EML6: variants seen among roughly 807,000 people sequenced by gnomAD.
EML6 encodes EMAP like 6, also known as echinoderm microtubule-associated protein-like 6.
In EML6, 154 loss-of-function variants were observed where a neutral mutation model predicts 240.1. That is an observed-to-expected ratio of 0.64 (90% CI 0.56 to 0.73). EML6 has a LOEUF of 0.73. EML6 is among the 30% of genes least tolerant of loss of function. The pLI, the probability that EML6 is intolerant of heterozygous loss-of-function variation, is 0.00. For synonymous variants in EML6, 1,148 were observed against 899.0 expected (o/e 1.28, Z -4.95); for missense variants, 2,964 against 2,474.6 (o/e 1.20, Z -4.20).
In EML6 at chr2:54,971,162, T is replaced by G. The variant is rs759621973; in HGVS notation, c.*1067T>G. On this transcript the variant is annotated 3_prime_UTR_variant, in exon 42 of 42. Coordinates refer to ENST00000356458, the MANE Select transcript of EML6 (RefSeq NM_001039753.4). ...GCGAACTATATAGGTCAAGTCCAGA[T>G]TATAAAAAAATTATCTGCAGAACAA... 2.0e-5 allele frequency: 3 copies of G among 152,212 alleles called. No homozygotes were observed. Among genetic ancestry groups the G allele is most frequent in the African/African-American group, 7.2e-5 (3 of 41,430 alleles). 9.4% of individuals were successfully genotyped at this position (152,212 alleles called of 1,614,324 possible).
chr2:54,888,533 T>A (rs1898699), intron 17 of EML6, among the ~76,000 whole-genome samples: 1 of 152,044 alleles, frequency 6.6e-6, no homozygotes, highest in Non-Finnish European at 1.5e-5. Flanking sequence ...CTCCCTCCTC[T>A]GTATACTGTG....
chr2:54,950,067 G>C (rs1675897059), intron 29 of EML6, among the ~76,000 whole-genome samples: 1 of 152,238 alleles, frequency 6.6e-6, no homozygotes, highest in African/African-American at 2.4e-5. Flanking sequence ...GAACTGATCT[G>C]AATCAGCCAC....
At chr2:54,829,279 C>T in intron 6 of EML6, 63 bp from the exon 7 acceptor site, 2 of 1,439,130 alleles carry the variant, frequency 1.4e-6, no homozygotes, top group Admixed American at 2.2e-5. Context: ...CAACATTCAA[C>T]TGTATCTATT....
rs1656955772 is a variant in EML6 at position 54,866,773 on chromosome 2, A to G, written c.1940A>G (p.Lys647Arg). 1.3e-6 allele frequency: 2 copies of G among 1,548,410 alleles called. No individual in the cohort carries two copies. The highest frequency in any genetic ancestry group is 1.4e-5 in the African/African-American group (1 of 72,944). Residue 647 changes from lysine to arginine, a missense_variant, in exon 14 of 42, where the codon AAA (lysine) becomes AGA (arginine). Coordinates refer to ENST00000356458, the MANE Select transcript of EML6 (RefSeq NM_001039753.4). ...TTTCTGTTGTACTTTAAGGTTTACA[A>G]AGAAGATCTACCTCAGCTAAAGCAA... ...AQINYDRQVYKEDLPQLKQQS... is the reference protein window; with the variant it reads ...AQINYDRQVYREDLPQLKQQS...
chr2:54,888,610 T>C (rs1447765625), intron 17 of EML6, among the ~76,000 whole-genome samples: 1 of 152,226 alleles, frequency 6.6e-6, no homozygotes, highest in Non-Finnish European at 1.5e-5. Flanking sequence ...TAATTGGAAC[T>C]ATATAGTATG....
intron 2 of EML6, among the ~76,000 whole-genome samples, chr2:54,798,331 C>A (rs1207960080): frequency 6.6e-6 from 1 of 152,070 alleles, no homozygotes; most frequent in African/African-American, 2.4e-5. Flanking sequence ...CACCACCATG[C>A]CTGGCTAATT....
intron 6 of EML6, among the ~76,000 whole-genome samples, chr2:54,828,701 T>C (rs936181082): frequency 6.6e-6 from 1 of 152,272 alleles, no homozygotes; most frequent in Non-Finnish European, 1.5e-5. Context: ...CTAATTTCTT[T>C]TTATACTGGA....
intron 2 of EML6, among the ~76,000 whole-genome samples, chr2:54,796,001 C>G (rs11690558): frequency 0.062 from 9,447 of 152,068 alleles, 506 homozygotes; most frequent in East Asian, 0.32. Flanking sequence ...GAGATGCTTT[C>G]ATCATCTAAA....
At chr2:54,799,503 G>A (rs975120272) in intron 2 of EML6, among the ~76,000 whole-genome samples, 8 of 151,962 alleles carry the variant, frequency 5.3e-5, no homozygotes, top group South Asian at 2.1e-4. Context: ...CCACCACCAC[G>A]CCCAGCTAAT....
At chr2:54,863,621 C>G (rs77496912) in intron 12 of EML6, among the ~76,000 whole-genome samples, 162 bp from the exon 13 acceptor site, 3,835 of 152,074 alleles carry the variant, frequency 0.025, 165 homozygotes, top group African/African-American at 0.088. Flanking sequence ...CTGAACTAAA[C>G]CAAAAGGTGA....
chr2:54,888,999 G>A (rs1045813503), intron 17 of EML6, among the ~76,000 whole-genome samples: 2 of 152,150 alleles, frequency 1.3e-5, no homozygotes, highest in African/African-American at 4.8e-5. Context: ...AGAGTTCTTA[G>A]CACTCCACAG....
chr2:54,887,311 C>T (rs753372994), intron 17 of EML6, among the ~76,000 whole-genome samples: 3 of 152,204 alleles, frequency 2.0e-5, no homozygotes, highest in Admixed American at 6.5e-5. Context: ...TTTTATCATT[C>T]ATTCTTCACG....
chr2:54,773,825 C>T (rs1380211065), intron 2 of EML6, among the ~76,000 whole-genome samples: 1 of 152,228 alleles, frequency 6.6e-6, no homozygotes, highest in East Asian at 1.9e-4. Flanking sequence ...GGAAAAGTAT[C>T]ACAGAATTTT....
chr2:54,888,395 C>G lies in EML6; in HGVS notation c.2439-2659C>G, dbSNP rs529025367. On this transcript the variant is annotated intron_variant, in intron 17 of 41. Transcript: ENST00000356458. ...CCTGGGTTACATGATAACTGAAAAACAACTCACCATTGTATTATATAAAGT... is the reference window on the plus strand; with the variant it reads ...CCTGGGTTACATGATAACTGAAAAAGAACTCACCATTGTATTATATAAAGT... Among the ~76,000 whole-genome samples, 4 of 152,296 alleles carry G rather than the reference C, an allele frequency of 2.6e-5. No homozygotes were observed. In the South Asian group the frequency reaches 6.2e-4, roughly 24 times the overall value.
At chr2:54,846,676 G>A (rs1249903369) in intron 8 of EML6, among the ~76,000 whole-genome samples, 2 of 151,928 alleles carry the variant, frequency 1.3e-5, no homozygotes, top group Non-Finnish European at 2.9e-5. Flanking sequence ...TAGAGATGGA[G>A]TCTCACCATG....
chr2:54,938,390 A>G (rs1675261564), intron 28 of EML6, among the ~76,000 whole-genome samples: 2 of 152,180 alleles, frequency 1.3e-5, no homozygotes, highest in South Asian at 2.1e-4. Flanking sequence ...GCTAATAGCA[A>G]TTTTTAGGCG....
intron 2 of EML6, among the ~76,000 whole-genome samples, chr2:54,797,901 A>G (rs937900988): frequency 6.6e-6 from 1 of 152,120 alleles, no homozygotes; most frequent in Non-Finnish European, 1.5e-5. Flanking sequence ...GCTTTATATT[A>G]AATCAAGATT....
chr2:54,877,484 AAGG>A (rs1486541853), intron 16 of EML6, among the ~76,000 whole-genome samples: 4 of 152,230 alleles, frequency 2.6e-5, no homozygotes, highest in African/African-American at 9.6e-5. Context: ...GATATTAAAA[AAGG>A]AGAGAGAAAA....
intron 2 of EML6, among the ~76,000 whole-genome samples, chr2:54,764,707 C>G (rs1239714342): frequency 2.6e-5 from 4 of 152,190 alleles, no homozygotes; most frequent in Admixed American, 2.6e-4. Context: ...TCAGGAGTGA[C>G]TGGTTAAATA....
Sources: gnomAD v4.1 joint callset for allele counts (sites outside exome capture counted in the v4.1 genomes callset) on GRCh38, gnomAD v4.1.1 for gene constraint, MANE v1.5 for transcripts, NCBI Gene and HGNC (gene_info 2026-07-23, HGNC 2026-07-21) for gene names.